The following LINGO2 variants were observed in gnomAD, a reference collection of about 807,000 sequenced individuals.
The protein encoded by LINGO2 is leucine-rich repeat and immunoglobulin-like domain-containing nogo receptor-interacting protein 2.
LINGO2 carries 14 observed loss-of-function variants against 30.6 expected under a neutral mutation model. The ratio of observed to expected loss-of-function variants is 0.46; its 90% confidence interval spans 0.30 to 0.72. The LOEUF is 0.72. LINGO2 is among the 30% of genes least tolerant of loss of function. The pLI, the probability that LINGO2 is intolerant of heterozygous loss-of-function variation, is 0.07. For missense variants in LINGO2, 729 were observed against 751.7 expected, an observed-to-expected ratio of 0.97 and a Z score of 0.35; for synonymous variants, 317 against 288.5, an observed-to-expected ratio of 1.10 and a Z score of -1.00.
At chr9:28,216,922 C>T (rs1285845247) in intron 4 of LINGO2, among the ~76,000 whole-genome samples, 1 of 151,700 alleles carries the variant, frequency 6.6e-6, no homozygotes, top group Non-Finnish European at 1.5e-5. Context: ...TTCTCTTGCG[C>T]ACATGAAATT....
the LINGO2 span, among the ~76,000 whole-genome samples, chr9:28,968,353 A>G: frequency 2.6e-5 from 4 of 152,130 alleles, no homozygotes; most frequent in South Asian, 4.1e-4. Flanking sequence ...TCCTGTTACA[A>G]TGAACTAGGA....
the LINGO2 span, among the ~76,000 whole-genome samples, chr9:29,017,662 G>T: frequency 1.3e-5 from 2 of 152,114 alleles, no homozygotes; most frequent in East Asian, 1.9e-4. Flanking sequence ...GAACAGAGAA[G>T]AACAAAACTG....
At chr9:29,041,698 T>G in the LINGO2 span, among the ~76,000 whole-genome samples, 1 of 152,054 alleles carries the variant, frequency 6.6e-6, no homozygotes, top group African/African-American at 2.4e-5. Flanking sequence ...AAGCTATACA[T>G]GTTTTAGCAA....
intron 2 of LINGO2, among the ~76,000 whole-genome samples, chr9:28,433,492 T>C (rs1823764865): frequency 6.6e-6 from 1 of 152,072 alleles, no homozygotes; most frequent in Admixed American, 6.6e-5. Flanking sequence ...AGGATAGTGC[T>C]GATGGAAAGG....
the LINGO2 span, among the ~76,000 whole-genome samples, chr9:29,029,232 C>T: frequency 6.6e-6 from 1 of 152,026 alleles, no homozygotes; most frequent in Non-Finnish European, 1.5e-5. Flanking sequence ...ACTAGATTTC[C>T]TAGGTTTAAA....
the LINGO2 span, among the ~76,000 whole-genome samples, chr9:29,026,072 C>G: frequency 6.6e-6 from 1 of 151,780 alleles, no homozygotes; most frequent in African/African-American, 2.4e-5. Context: ...CTTGATTTGT[C>G]TCCCAGTCTG....
the LINGO2 span, among the ~76,000 whole-genome samples, chr9:28,728,376 CA>C: frequency 7.0e-6 from 1 of 142,924 alleles, no homozygotes; most frequent in Non-Finnish European, 1.5e-5. Flanking sequence ...TTATTATTCA[CA>C]AAAAAATCAA....
At chr9:29,007,920 G>A in the LINGO2 span, among the ~76,000 whole-genome samples, 1 of 152,048 alleles carries the variant, frequency 6.6e-6, no homozygotes, top group Non-Finnish European at 1.5e-5. Flanking sequence ...CGTAATATTT[G>A]TTTTTTATTT....
At chr9:29,004,593 G>T in the LINGO2 span, among the ~76,000 whole-genome samples, 1 of 151,892 alleles carries the variant, frequency 6.6e-6, no homozygotes, top group African/African-American at 2.4e-5. Flanking sequence ...GTCAGATAGG[G>T]ACAACTATAT....
At position 28,148,909 on chromosome 9, in the gene LINGO2, G is replaced by T; in HGVS notation, c.-86-136504C>A. Reference sequence around the variant, plus strand: ...AGCCCAAGGATCCTGCAGCTCTTGGGTCAAGTAGGTCTTCTCCACACAGAG... The same window carrying T: ...AGCCCAAGGATCCTGCAGCTCTTGGTTCAAGTAGGTCTTCTCCACACAGAG... On this transcript the variant is annotated intron_variant, in intron 4 of 5. Transcript: ENST00000379992. The surrounding 1 kb of genome is among the most constrained non-coding windows in gnomAD (Gnocchi z 5.1). The T allele has an allele frequency of 6.5e-7, 1 of 1,533,584 alleles. No homozygotes were observed. Among genetic ancestry groups the T allele is most frequent in the Non-Finnish European group, 8.7e-7 (1 of 1,146,468 alleles). 95.0% of individuals were successfully genotyped at this position (1,533,584 alleles called of 1,614,324 possible).
the LINGO2 span, among the ~76,000 whole-genome samples, chr9:29,165,858 T>C: frequency 6.6e-6 from 1 of 152,082 alleles, no homozygotes; most frequent in Non-Finnish European, 1.5e-5. Context: ...ATCTTTGAAG[T>C]CTGATTTTCT....
At chr9:28,094,457 T>C (rs1480385083) in intron 4 of LINGO2, among the ~76,000 whole-genome samples, 1 of 151,954 alleles carries the variant, frequency 6.6e-6, no homozygotes, top group African/African-American at 2.4e-5. Flanking sequence ...CTAAATTTGG[T>C]AAAAATCTGT....
At chr9:28,258,848 T>A (rs1025878758) in intron 4 of LINGO2, among the ~76,000 whole-genome samples, 1 of 151,930 alleles carries the variant, frequency 6.6e-6, no homozygotes, top group African/African-American at 2.4e-5. Context: ...GAATTGCTTT[T>A]TCTTCTGAAA....
the LINGO2 span, among the ~76,000 whole-genome samples, chr9:28,792,925 C>T: frequency 1.3e-5 from 2 of 152,116 alleles, no homozygotes; most frequent in Non-Finnish European, 2.9e-5. Context: ...GGAGATATTT[C>T]CACTACTCAT....
At chr9:28,695,007 C>A in the LINGO2 span, among the ~76,000 whole-genome samples, 8 of 149,864 alleles carry the variant, frequency 5.3e-5, no homozygotes, top group African/African-American at 2.0e-4. Context: ...AGTTGTATAC[C>A]CATTGAGCTG....
intron 1 of LINGO2, among the ~76,000 whole-genome samples, chr9:28,618,145 A>T (rs1826223924): frequency 6.6e-6 from 1 of 152,140 alleles, no homozygotes; most frequent in Non-Finnish European, 1.5e-5. Context: ...CCATTTGAGT[A>T]ATCTTGGGCA....
At chr9:28,296,319 A>AT (rs1173745446) in intron 3 of LINGO2, among the ~76,000 whole-genome samples, 5 of 152,112 alleles carry the variant, frequency 3.3e-5, no homozygotes, top group East Asian at 3.9e-4. Flanking sequence ...AAACTATTAG[A>AT]TTTTTTATAA....
intron 1 of LINGO2, among the ~76,000 whole-genome samples, chr9:28,576,538 G>T (rs1824001024): frequency 6.6e-6 from 1 of 152,138 alleles, no homozygotes; most frequent in Non-Finnish European, 1.5e-5. Context: ...CGGAATAACT[G>T]AATGCAGATA....
intron 4 of LINGO2, among the ~76,000 whole-genome samples, chr9:28,042,096 A>G (rs1163087397): frequency 6.6e-6 from 1 of 152,224 alleles, no homozygotes; most frequent in Non-Finnish European, 1.5e-5. Context: ...TAAGGATTTA[A>G]TCAAATACAG....
Sources: allele counts gnomAD v4.1 joint callset (sites outside exome capture counted in the v4.1 genomes callset), GRCh38; gene constraint gnomAD v4.1.1; non-coding constraint Gnocchi (gnomAD v3.1); transcripts MANE v1.5; gene names NCBI Gene and HGNC (gene_info 2026-07-23, HGNC 2026-07-21).